The following SIK3 variants were observed in gnomAD, a reference collection of about 807,000 sequenced individuals.
SIK3 encodes the protein SIK family kinase 3.
In SIK3, 28 loss-of-function variants were observed where a neutral mutation model predicts 144.2. The observed-to-expected ratio is 0.19, with a 90% CI of 0.14 to 0.27. SIK3 has a LOEUF of 0.27. SIK3 is among the 10% of genes least tolerant of loss of function. SIK3 has a pLI of 1.00. For missense variants in SIK3, 1,319 were observed against 1,776.0 expected (o/e 0.74, Z 4.62); for synonymous variants, 686 against 676.3 (o/e 1.01, Z -0.22).
At chr11:116,992,322 C>G (rs550685454) in intron 1 of SIK3, among the ~76,000 whole-genome samples, 1 of 146,004 alleles carries the variant, frequency 6.8e-6, no homozygotes, top group Non-Finnish European at 1.5e-5. Flanking sequence ...AAGACCCCCC[C>G]CCCCAAAAAA....
At chr11:116,994,889 T>A (rs1950608603) in intron 1 of SIK3, among the ~76,000 whole-genome samples, 1 of 150,882 alleles carries the variant, frequency 6.6e-6, no homozygotes, top group African/African-American at 2.4e-5. Flanking sequence ...TGTGTCCACC[T>A]CTGCAGCAAG....
At chr11:117,041,261 G>A (rs1247313298) in intron 1 of SIK3, among the ~76,000 whole-genome samples, 1 of 152,042 alleles carries the variant, frequency 6.6e-6, no homozygotes, top group East Asian at 1.9e-4. Context: ...GAGGAGATGT[G>A]GAAGAAAGCC....
rs528707141 is a variant in SIK3, at chr11:116,910,832, A to C, written c.617-13515T>G. On this transcript the variant is annotated intron_variant, in intron 4 of 24. Transcript: ENST00000445177. ...TGAAAAACAAGAACAACAACAACAA[A>C]AAAAACACAGAAACTTAAGGCAAAG... Among the ~76,000 whole-genome samples the C allele has an allele frequency of 3.0e-4, 45 of 152,372 alleles. 1 individual carries two copies. Among genetic ancestry groups the C allele is most frequent in the African/African-American group, 9.4e-4 (39 of 41,586 alleles).
chr11:116,846,580 G>T lies in SIK3; in HGVS notation c.3953-27C>A. ...TGCAAGACCAAAAAGAACGTATGAG[G>T]TTGGCAGGGAACTGGGGGACTAGGA... On this transcript the variant is annotated intron_variant, in intron 23 of 24. Transcript: ENST00000445177. This position sits in a 1 kb window ranked among gnomAD's most constrained non-coding sequence, Gnocchi z 4.1. 6.2e-7 allele frequency: 1 copy of T among 1,613,704 alleles called. No individual in the cohort carries two copies. Among genetic ancestry groups the T allele is most frequent in the Non-Finnish European group, 8.5e-7 (1 of 1,179,764 alleles).
chr11:117,061,267 T>G (rs1236545326), intron 1 of SIK3, among the ~76,000 whole-genome samples: 2 of 151,934 alleles, frequency 1.3e-5, no homozygotes, highest in Non-Finnish European at 2.9e-5. Context: ...ATAAAGCCTA[T>G]TCATTAAAAA....
chr11:117,052,014 C>T (rs1392953200), intron 1 of SIK3, among the ~76,000 whole-genome samples: 8 of 151,730 alleles, frequency 5.3e-5, no homozygotes, highest in African/African-American at 1.9e-4. Flanking sequence ...TGGTGGCAGG[C>T]GCCTGTAATC....
intron 3 of SIK3, among the ~76,000 whole-genome samples, chr11:116,942,790 A>G (rs1948383957): frequency 6.6e-6 from 1 of 152,222 alleles, no homozygotes; most frequent in Non-Finnish European, 1.5e-5. Flanking sequence ...GGTGAGAGAC[A>G]GCAGGAGACC....
intron 4 of SIK3, among the ~76,000 whole-genome samples, chr11:116,923,049 T>G (rs1439599708): frequency 6.6e-6 from 1 of 151,632 alleles, no homozygotes; most frequent in East Asian, 2.0e-4. Flanking sequence ...CGTGAGTAGC[T>G]GGGATTACAG....
At chr11:116,893,672 A>G (rs1302625932) in intron 6 of SIK3, among the ~76,000 whole-genome samples, 1 of 152,024 alleles carries the variant, frequency 6.6e-6, no homozygotes, top group Non-Finnish European at 1.5e-5. Context: ...CCCAGTCCCA[A>G]AAAAGGGAGT....
Position 116,876,374 on chromosome 11 carries a change from A to G in SIK3, c.985-11T>C. ...GCATTCAGCTATTAACTGTAACATA[A>G]AAAGGAGGAAGCTGTCAACCCCCCA... On this transcript the variant is annotated splice_polypyrimidine_tract_variant and intron_variant, in intron 7 of 24. Coordinates refer to ENST00000445177, the MANE Select transcript of SIK3 (RefSeq NM_001366686.3). 6.2e-7 allele frequency: 1 copy of G among 1,604,450 alleles called. No individual in the cohort carries two copies. Among genetic ancestry groups the G allele is most frequent in the Non-Finnish European group, 8.5e-7 (1 of 1,171,536 alleles).
At chr11:117,065,352 T>G (rs1953963769) in intron 1 of SIK3, among the ~76,000 whole-genome samples, 1 of 151,964 alleles carries the variant, frequency 6.6e-6, no homozygotes, top group South Asian at 2.1e-4. Context: ...AACAGTAAAA[T>G]TAAAAGTCCA....
At chr11:116,933,823 C>CA (rs1321951727) in intron 3 of SIK3, among the ~76,000 whole-genome samples, 11 of 152,272 alleles carry the variant, frequency 7.2e-5, no homozygotes, top group African/African-American at 2.6e-4. Flanking sequence ...CTGTCAAAAC[C>CA]TCCGGATGGG....
chr11:116,920,966 T>A (rs1457611374), intron 4 of SIK3, among the ~76,000 whole-genome samples: 1 of 152,246 alleles, frequency 6.6e-6, no homozygotes, highest in Non-Finnish European at 1.5e-5. Context: ...TCTTCTATTG[T>A]ATCCAACTAT....
intron 1 of SIK3, among the ~76,000 whole-genome samples, chr11:117,027,915 T>C (rs1422359432): frequency 5.9e-5 from 9 of 152,220 alleles, no homozygotes; most frequent in Admixed American, 5.9e-4. Flanking sequence ...AATTGATGAG[T>C]ACGTCTACCC....
chr11:117,078,954 A>C (rs890624639), intron 1 of SIK3, among the ~76,000 whole-genome samples: 3 of 151,734 alleles, frequency 2.0e-5, no homozygotes, highest in African/African-American at 4.9e-5. Flanking sequence ...TTTAAAAGAC[A>C]CTAAAGAGGT....
intron 1 of SIK3, among the ~76,000 whole-genome samples, chr11:117,089,156 A>G (rs1237103559): frequency 6.6e-6 from 1 of 152,026 alleles, no homozygotes; most frequent in African/African-American, 2.4e-5. Flanking sequence ...CTGTAATCCC[A>G]GCACTTTGGG....
At chr11:116,874,132 C>T in intron 11 of SIK3, 76 bp from the exon 12 acceptor site, 4 of 1,395,842 alleles carry the variant, frequency 2.9e-6, no homozygotes, top group Non-Finnish European at 4.0e-6. Context: ...AAACTGATGG[C>T]ATTGCTATGT....
At chr11:117,019,753 A>C (rs1052037856) in intron 1 of SIK3, among the ~76,000 whole-genome samples, 2 of 152,082 alleles carry the variant, frequency 1.3e-5, no homozygotes, top group Admixed American at 6.6e-5. Context: ...AGCTGGGACT[A>C]CAGGCGCGTG....
At chr11:116,965,384 TAAA>T in intron 1 of SIK3, among the ~76,000 whole-genome samples, 1 of 150,860 alleles carries the variant, frequency 6.6e-6, no homozygotes, top group East Asian at 1.9e-4. Context: ...TTTTTTTTTT[TAAA>T]AAAAAGGAGT....
Sources: allele counts gnomAD v4.1 joint callset (sites outside exome capture counted in the v4.1 genomes callset), GRCh38; gene constraint gnomAD v4.1.1; non-coding constraint Gnocchi (gnomAD v3.1); transcripts MANE v1.5; gene names NCBI Gene and HGNC (gene_info 2026-07-23, HGNC 2026-07-21).